Variants in REEP4 observed in about 807,000 individuals in gnomAD.
REEP4 encodes the protein receptor expression-enhancing protein 4.
A neutral mutation model predicts 33.5 loss-of-function variants in REEP4; 17 were observed. That is an observed-to-expected ratio of 0.51 (90% CI 0.35 to 0.76). REEP4 has a LOEUF of 0.76. Ranked by LOEUF, REEP4 falls within the 30% of genes least tolerant of loss-of-function variation. The probability of loss-of-function intolerance (pLI) is 0.01; values close to 1 mark genes in which losing one functional copy is unlikely to be tolerated. For synonymous variants in REEP4, 157 were observed against 142.9 expected (o/e 1.10, Z -0.70); for missense variants, 340 against 357.9 (o/e 0.95, Z 0.40).
chr8:22,138,608 C>T, intron 7 of REEP4, 31 bp downstream of exon 7: 1 of 1,613,902 alleles, frequency 6.2e-7, no homozygotes, highest in Non-Finnish European at 8.5e-7. Flanking sequence ...CAGCAGAGCC[C>T]TCCTCCCTCC....
intron 7 of REEP4, 28 bp downstream of exon 7, chr8:22,138,611 C>T (rs746126279): frequency 6.2e-7 from 1 of 1,613,948 alleles, no homozygotes; most frequent in Non-Finnish European, 8.5e-7. Flanking sequence ...CAGAGCCCTC[C>T]TCCCTCCTGT....
At chr8:22,139,200 CA>C in intron 5 of REEP4, 139 bp from the exon 6 acceptor site, 1 of 1,239,716 alleles carries the variant, frequency 8.1e-7, no homozygotes, top group Non-Finnish European at 1.1e-6. Flanking sequence ...AACAGGAAAC[CA>C]AAGTCAGAGA....
chr8:22,138,990 A>G lies in REEP4; in HGVS notation c.489T>C (p.Pro163=). 1 of 1,608,386 alleles carries G rather than the reference A, an allele frequency of 6.2e-7. No homozygotes were observed. ...AGAGGGGGTCATGGTAGGCAGGGGC[A>G]GGTGCGTCAGAGATGGAGCGCAGGT... ...MQDLRSISDA[P]APAYHDPLYL... is the part of the protein sequence containing the mutation. The change falls in exon 6 of 8, where the codon CCT becomes CCC. Residue 163 remains proline (P), a synonymous_variant. Coordinates refer to ENST00000306306, the MANE Select transcript of REEP4 (RefSeq NM_025232.4).
rs748404491 is a variant in REEP4, at chr8:22,139,169, G to T, written c.418-108C>A. On this transcript the variant is annotated intron_variant, in intron 5 of 7. Coordinates refer to ENST00000306306, the MANE Select transcript of REEP4 (RefSeq NM_025232.4). ...GTGAAAACTGCTCAGCAAGCTTCTG[G>T]CCCCGCGCCAATGTGGCACCAACAG... 31 of 1,449,238 alleles carry T rather than the reference G, an allele frequency of 2.1e-5. No individual in the cohort carries two copies. In the Admixed American group the frequency reaches 3.8e-4, roughly 18 times the overall value. 89.8% of individuals were successfully genotyped at this position (1,449,238 alleles called of 1,614,324 possible).
rs778769657 is a variant in REEP4, at chr8:22,140,234, C to T, written c.120G>A (p.Met40Ile). Residue 40 changes from methionine (M) to isoleucine (I), a missense_variant, in exon 3 of 8, where the codon ATG (methionine) becomes ATA (isoleucine). Physicochemically the swap from Met to Ile is conservative, Grantham distance 10. Coordinates refer to ENST00000306306, the MANE Select transcript of REEP4 (RefSeq NM_025232.4). ...TGAAGAGTGCAAAAACAATCCAGTA[C>T]ATCATCCACCGCACCTGTGGGGTGA... ...KNIREYVRWM[M>I]YWIVFALFMA... 1 of 1,614,086 alleles carries T rather than the reference C, an allele frequency of 6.2e-7. No homozygotes were observed. The highest frequency in any genetic ancestry group is 1.1e-5 in the South Asian group (1 of 91,086).
Position 22,141,552 on chromosome 8 carries a change from G to A in REEP4, c.-70C>T, listed in dbSNP as rs1014517290. ...AGAAGGACGTTCACTCAAGGGCTGG[G>A]ACGGGGGGTGATCAGGGCAGTTGCG... On this transcript the variant is annotated 5_prime_UTR_variant, in exon 1 of 8. Transcript: ENST00000306306. 6.6e-7 allele frequency: 1 copy of A among 1,521,734 alleles called. No individual in the cohort carries two copies. The highest frequency in any genetic ancestry group is 1.4e-5 in the African/African-American group (1 of 71,554). 94.3% of individuals were successfully genotyped at this position (1,521,734 alleles called of 1,614,324 possible).
At chr8:22,139,825 C>T (rs1038135234) in intron 4 of REEP4, 138 bp downstream of exon 4, 2 of 1,049,088 alleles carry the variant, frequency 1.9e-6, no homozygotes, top group African/African-American at 1.6e-5. Flanking sequence ...GTAGGCTGGG[C>T]CCTGTCAAGG....
At position 22,138,685 on chromosome 8, in the gene REEP4, C is replaced by A. The variant is rs370045552; in HGVS notation, c.662G>T (p.Arg221Leu). ...PARPREKPLIRSQSLRVVKRK... is the reference protein window; with the variant it reads ...PARPREKPLILSQSLRVVKRK... The stretch of plus-strand genomic sequence containing the variant: ...CTTGACCACACGCAGGCTCTGGCTG[C>A]GGATTAGGGGCTTCTCTCGGGGCCG... Residue 221 changes from arginine to leucine, a missense_variant, in exon 7 of 8, where the codon CGC (arginine) becomes CTC (leucine). Coordinates refer to ENST00000306306, the MANE Select transcript of REEP4 (RefSeq NM_025232.4). The A allele has an allele frequency of 2.5e-6, 4 of 1,613,560 alleles. No homozygotes were observed. The highest frequency in any genetic ancestry group is 2.5e-6 in the Non-Finnish European group (3 of 1,180,008).
Position 22,139,510 on chromosome 8 carries a change from A to G in REEP4, c.323T>C (p.Val108Ala). 1 of 1,610,206 alleles carries G rather than the reference A, an allele frequency of 6.2e-7. No individual in the cohort carries two copies. The highest frequency in any genetic ancestry group is 8.5e-7 in the Non-Finnish European group (1 of 1,179,750). Residue 108 changes from valine (V) to alanine (A), a missense_variant, in exon 5 of 8, where the codon GTG (valine) becomes GCG (alanine). By Grantham distance (64) the Val-to-Ala change is moderately conservative. Transcript: ENST00000306306. Reference sequence around the variant, plus strand: ...CTCGTAGCTGCGCTCCTTGGCCTGCACGATGTACGCGTCGATCTCCTGTGG... The same window carrying G: ...CTCGTAGCTGCGCTCCTTGGCCTGCGCGATGTACGCGTCGATCTCCTGTGG... ...RHEKEIDAYI[V>A]QAKERSYETV...
Position 22,139,460 on chromosome 8 carries a change from C to A in REEP4, c.373G>T (p.Gly125Cys), listed in dbSNP as rs1235258911. The A allele has an allele frequency of 6.2e-7, 1 of 1,609,994 alleles. No individual in the cohort carries two copies. The highest frequency in any genetic ancestry group is 2.2e-5 in the East Asian group (1 of 44,882). ...YETVLSFGKR[G>C]LNIAASAAVQ... ...GCAGCGGAGGCGGCAATGTTGAGGCCCCGCTTCCCGAAGCTGAGCACGGTC... is the reference window on the plus strand; with the variant it reads ...GCAGCGGAGGCGGCAATGTTGAGGCACCGCTTCCCGAAGCTGAGCACGGTC... Residue 125 changes from glycine to cysteine, a missense_variant, in exon 5 of 8, where the codon GGC (glycine) becomes TGC (cysteine). By Grantham distance (159) the Gly-to-Cys change is radical. Coordinates refer to ENST00000306306, the MANE Select transcript of REEP4 (RefSeq NM_025232.4).
Position 22,138,090 on chromosome 8 carries a change from C to T in REEP4, c.*397G>A. On this transcript the variant is annotated 3_prime_UTR_variant, in exon 8 of 8. Coordinates refer to ENST00000306306, the MANE Select transcript of REEP4 (RefSeq NM_025232.4). ...CACTCACCAACACACACACACACAA[C>T]CAGGACACATGTGCCAGGCCTTATG... 1.8e-6 allele frequency: 1 copy of T among 553,048 alleles called. No homozygotes were observed. Among genetic ancestry groups the T allele is most frequent in the South Asian group, 2.1e-5 (1 of 47,140 alleles). 34.3% of individuals were successfully genotyped at this position (553,048 alleles called of 1,614,324 possible).
chr8:22,138,652 G>A lies in REEP4; in HGVS notation c.695C>T (p.Pro232Leu), dbSNP rs764076016. 21 of 1,613,946 alleles carry A rather than the reference G, an allele frequency of 1.3e-5. No individual in the cohort carries two copies. The East Asian group carries it at 4.2e-4, about 33-fold the overall frequency. The change falls in exon 7 of 8, where the codon CCA (proline) becomes CTA (leucine). Residue 232 changes from proline (P) to leucine (L), a missense_variant. Coordinates refer to ENST00000306306, the MANE Select transcript of REEP4 (RefSeq NM_025232.4). Reference protein sequence around the residue: ...SQSLRVVKRKPPVREGTSRSL... With the variant: ...SQSLRVVKRKLPVREGTSRSL... Reference sequence around the variant, plus strand: ...TCCCACACTGACCTCCCGCACCGGTGGCTTCCTCTTGACCACACGCAGGCT... The same window carrying A: ...TCCCACACTGACCTCCCGCACCGGTAGCTTCCTCTTGACCACACGCAGGCT...
Position 22,138,817 on chromosome 8 carries a change from T to C in REEP4, c.554-24A>G, listed in dbSNP as rs566339148. ...CCCTGTGTGGAGGAGGAGGTGAAGC[T>C]GAAAGCCTGCGACCAGGCCAGCCCT... On this transcript the variant is annotated intron_variant, in intron 6 of 7. Transcript: ENST00000306306. 150 of 1,578,124 alleles carry C rather than the reference T, an allele frequency of 9.5e-5. 4 individuals are homozygous for C. The highest frequency in any genetic ancestry group is 2.1e-4 in the South Asian group (18 of 86,706).
At chr8:22,140,307 G>T in intron 2 of REEP4, 59 bp from the exon 3 acceptor site, 2 of 1,540,362 alleles carry the variant, frequency 1.3e-6, no homozygotes, top group Non-Finnish European at 1.8e-6. Context: ...CCCAACCCAG[G>T]CCAGCCCAGC....
At position 22,140,710 on chromosome 8, in the gene REEP4, C is replaced by T. The variant is rs193285308; in HGVS notation, c.33-13G>A. On this transcript the variant is annotated splice_polypyrimidine_tract_variant and intron_variant, in intron 1 of 7. Transcript: ENST00000306306. ...CCCAAACACCAGCCTGGAAGAGCAG[C>T]CATGGGGAGTGTGAGGGGCACCATG... 10 of 1,608,026 alleles carry T rather than the reference C, an allele frequency of 6.2e-6. No homozygotes were observed. The African/African-American group carries it at 8.0e-5, about 13-fold the overall frequency.
rs1827228538 is a variant in REEP4 at position 22,141,385 on chromosome 8, C to T, written c.32+66G>A. On this transcript the variant is annotated intron_variant, in intron 1 of 7. Transcript: ENST00000306306. The stretch of plus-strand genomic sequence containing the variant: ...AGTTCCTCCTCCCACTAGACGTCCA[C>T]AGCTTCCACCACAGGGGCGGGACGG... 1.9e-6 allele frequency: 3 copies of T among 1,566,746 alleles called. No homozygotes were observed. In the East Asian group the frequency reaches 7.3e-5, roughly 38 times the overall value.
chr8:22,141,674 G>C lies in REEP4; in HGVS notation c.-192C>G. 1 of 473,394 alleles carries C rather than the reference G, an allele frequency of 2.1e-6. No individual in the cohort carries two copies. The highest frequency in any genetic ancestry group is 3.6e-6 in the Non-Finnish European group (1 of 278,694). The allele number at this position is 473,394 out of a possible 1,614,324, so 29.3% of individuals were successfully genotyped here. On this transcript the variant is annotated 5_prime_UTR_variant, in exon 1 of 8. Transcript: ENST00000306306. ...GTTCAGGGGACCTGGAGAATGGGGA[G>C]ACCCGAGGCAAAGCGGCCCCGGCGG...
Position 22,140,644 on chromosome 8 carries a change from G to C in REEP4, c.86C>G (p.Thr29Ser), listed in dbSNP as rs571409068. The C allele has an allele frequency of 6.2e-7, 1 of 1,613,908 alleles. No individual in the cohort carries two copies. The highest frequency in any genetic ancestry group is 1.3e-5 in the African/African-American group (1 of 75,036). The change falls in exon 2 of 8, where the codon ACC becomes AGC. Residue 29 changes from threonine to serine, a missense_variant. Physicochemically the swap from Thr to Ser is moderately conservative, Grantham distance 58. Transcript: ENST00000306306. ...GCTCACATATTCACGAATGTTCTTG[G>C]TCTTCACAGCCTTATAGGAAGCATA... ...PAYASYKAVKTKNIREYVRWM... is the reference protein window; with the variant it reads ...PAYASYKAVKSKNIREYVRWM...
chr8:22,139,124 A>G (rs778504250), intron 5 of REEP4, 63 bp from the exon 6 acceptor site: 1 of 1,544,822 alleles, frequency 6.5e-7, no homozygotes, highest in South Asian at 1.2e-5. Flanking sequence ...CCAGCTAATC[A>G]CCGGAGCTGA....
Sources: gnomAD v4.1 joint callset for allele counts on GRCh38, gnomAD v4.1.1 for gene constraint, MANE v1.5 for transcripts, NCBI Gene and HGNC (gene_info 2026-07-23, HGNC 2026-07-21) for gene names.